KLHL2: variants seen among roughly 807,000 people sequenced by gnomAD.
KLHL2 encodes kelch like family member 2.
Under a neutral mutation model 75.8 loss-of-function variants are expected in KLHL2, and 15 were observed. The observed-to-expected ratio is 0.20, with a 90% CI of 0.13 to 0.30. The LOEUF is 0.30. Ranked by LOEUF, KLHL2 falls within the 10% of genes least tolerant of loss-of-function variation. The probability of loss-of-function intolerance (pLI) is 1.00; values close to 1 mark genes in which losing one functional copy is unlikely to be tolerated. For missense variants in KLHL2, 381 were observed against 741.0 expected, an observed-to-expected ratio of 0.51 and a Z score of 5.64; for synonymous variants, 214 against 251.9, an observed-to-expected ratio of 0.85 and a Z score of 1.42.
chr4:165,293,873 A>T (rs1744711127), intron 5 of KLHL2, among the ~76,000 whole-genome samples: 1 of 152,156 alleles, frequency 6.6e-6, no homozygotes, highest in Middle Eastern at 3.4e-3. Context: ...AGCATTTGAG[A>T]TTTCTTTAGT....
chr4:165,313,942 A>T, intron 12 of KLHL2, 84 bp from the exon 13 acceptor site: 1 of 1,361,204 alleles, frequency 7.3e-7, no homozygotes, highest in Non-Finnish European at 9.9e-7. Flanking sequence ...CGAAAGTTTT[A>T]GTTACAAGTC....
chr4:165,296,612 C>G (rs1744930770), intron 6 of KLHL2, among the ~76,000 whole-genome samples: 2 of 151,860 alleles, frequency 1.3e-5, no homozygotes, highest in Admixed American at 1.3e-4. Context: ...GCAGTATGGA[C>G]CAAAAATGAG....
intron 3 of KLHL2, among the ~76,000 whole-genome samples, chr4:165,236,629 C>G (rs1456853160): frequency 6.6e-6 from 1 of 152,128 alleles, no homozygotes; most frequent in Admixed American, 6.5e-5. Flanking sequence ...AATAATGTAA[C>G]AACTGGAATT....
At chr4:165,257,870 A>G (rs1013913155) in intron 4 of KLHL2, among the ~76,000 whole-genome samples, 3 of 151,886 alleles carry the variant, frequency 2.0e-5, no homozygotes, top group East Asian at 3.9e-4. Flanking sequence ...GAACAAATAC[A>G]TAACATCAGT....
intron 3 of KLHL2, among the ~76,000 whole-genome samples, chr4:165,229,329 G>A (rs1738700575): frequency 6.6e-6 from 1 of 152,138 alleles, no homozygotes; most frequent in African/African-American, 2.4e-5. Context: ...AAAATAAAGC[G>A]ATTTATCTAC....
intron 3 of KLHL2, among the ~76,000 whole-genome samples, chr4:165,234,389 A>T (rs574160577): frequency 6.6e-6 from 1 of 152,204 alleles, no homozygotes; most frequent in East Asian, 1.9e-4. Flanking sequence ...CAGCATAGTC[A>T]GAGTTTCTGT....
intron 5 of KLHL2, among the ~76,000 whole-genome samples, chr4:165,266,601 G>A (rs1402914472): frequency 6.6e-6 from 1 of 152,066 alleles, no homozygotes; most frequent in Non-Finnish European, 1.5e-5. Flanking sequence ...GCTGGTTTTT[G>A]TCAAGTTTGT....
intron 8 of KLHL2, among the ~76,000 whole-genome samples, chr4:165,299,954 G>A (rs1304328753): frequency 6.6e-6 from 1 of 152,042 alleles, no homozygotes; most frequent in Non-Finnish European, 1.5e-5. Flanking sequence ...ATAGTAGAAA[G>A]CTCTAATTAT....
chr4:165,214,822 T>A (rs56370618), intron 1 of KLHL2, among the ~76,000 whole-genome samples: 24,918 of 152,184 alleles, frequency 0.16, 2,417 homozygotes, highest in Non-Finnish European at 0.23. Flanking sequence ...TTTAACTATA[T>A]ATGTTTAAAA....
chr4:165,306,550 A>G (rs146312207), intron 9 of KLHL2, among the ~76,000 whole-genome samples: 289 of 152,368 alleles, frequency 1.9e-3, no homozygotes, highest in African/African-American at 6.5e-3. Flanking sequence ...GGATATGCCA[A>G]TTATTACTCC....
intron 10 of KLHL2, among the ~76,000 whole-genome samples, chr4:165,311,100 G>A (rs943018430): frequency 2.5e-4 from 38 of 151,936 alleles, no homozygotes; most frequent in East Asian, 5.8e-4. Flanking sequence ...TTTGTGATCC[G>A]CCCACCTCGG....
intron 5 of KLHL2, among the ~76,000 whole-genome samples, chr4:165,269,648 T>C (rs1742525566): frequency 8.2e-6 from 1 of 122,316 alleles, no homozygotes; most frequent in Non-Finnish European, 2.0e-5. Context: ...GGCTCCACTC[T>C]TTCCTGGCTT....
At chr4:165,291,819 A>G (rs995008696) in intron 5 of KLHL2, among the ~76,000 whole-genome samples, 1 of 151,906 alleles carries the variant, frequency 6.6e-6, no homozygotes, top group Non-Finnish European at 1.5e-5. Flanking sequence ...ATCCTCCCGT[A>G]TACTTTATTT....
rs1204479174 is a variant in KLHL2 at position 165,309,192 on chromosome 4, A to G, written c.1040-1361A>G. Among the ~76,000 whole-genome samples the G allele has an allele frequency of 3.3e-5, 5 of 152,198 alleles. No homozygotes were observed. The East Asian group carries it at 9.6e-4, about 29-fold the overall frequency. ...ACAATTTAAAGTAATTATATTATAG[A>G]CGGTACATTTATTAAACCTGAAGTA... On this transcript the variant is annotated intron_variant, in intron 9 of 14. Transcript: ENST00000226725.
At chr4:165,264,710 A>G (rs979838661) in intron 5 of KLHL2, among the ~76,000 whole-genome samples, 5,566 of 80,992 alleles carry the variant, frequency 0.069, 180 homozygotes, top group African/African-American at 0.09. Context: ...GTGTGTATAT[A>G]TATATATATA....
At chr4:165,305,463 G>A (rs1745659159) in intron 8 of KLHL2, 145 bp from the exon 9 acceptor site, 2 of 640,134 alleles carry the variant, frequency 3.1e-6, no homozygotes, top group Non-Finnish European at 5.7e-6. Flanking sequence ...ATGAAATGTT[G>A]GTTAGGTGGT....
At chr4:165,235,648 A>C (rs1739284638) in intron 3 of KLHL2, among the ~76,000 whole-genome samples, 1 of 152,314 alleles carries the variant, frequency 6.6e-6, no homozygotes, top group East Asian at 1.9e-4. Flanking sequence ...CAGTGAGCTT[A>C]AGAATTCAGA....
intron 1 of KLHL2, among the ~76,000 whole-genome samples, chr4:165,214,033 A>G (rs1163063853): frequency 1.3e-5 from 2 of 152,190 alleles, no homozygotes; most frequent in African/African-American, 4.8e-5. Flanking sequence ...TCTGAAGCCC[A>G]GAGAGGCTAA....
At chr4:165,303,975 A>T (rs929295665) in intron 8 of KLHL2, among the ~76,000 whole-genome samples, 2 of 152,064 alleles carry the variant, frequency 1.3e-5, no homozygotes, top group Non-Finnish European at 2.9e-5. Flanking sequence ...TCCTGGGTTC[A>T]AGTGATTCCC....
Sources: allele counts gnomAD v4.1 joint callset (sites outside exome capture counted in the v4.1 genomes callset), GRCh38; gene constraint gnomAD v4.1.1; transcripts MANE v1.5; gene names NCBI Gene and HGNC (gene_info 2026-07-23, HGNC 2026-07-21).